Variants in MRC1 observed in about 807,000 individuals in gnomAD.
MRC1 encodes mannose receptor C-type 1.
MRC1 carries 62 observed loss-of-function variants against 102.9 expected under a neutral mutation model. The ratio of observed to expected loss-of-function variants is 0.60; its 90% CI spans 0.49 to 0.74. The LOEUF is 0.74. MRC1 is among the 30% of genes least tolerant of loss of function. MRC1 has a pLI of 0.00. For missense variants in MRC1, 1,237 were observed against 862.8 expected (o/e 1.43, Z -5.43); for synonymous variants, 457 against 298.4 (o/e 1.53, Z -5.48).
intron 16 of MRC1, 57 bp from the exon 17 acceptor site, chr10:17,875,033 C>G: frequency 1.3e-6 from 1 of 780,564 alleles, no homozygotes. Context: ...GCTGTACACA[C>G]CAGATTCTTG....
chr10:17,860,365 T>C lies in MRC1; in HGVS notation c.1519-1022T>C, dbSNP rs1023615932. On this transcript the variant is annotated intron_variant, in intron 9 of 29. Coordinates refer to ENST00000569591, the MANE Select transcript of MRC1 (RefSeq NM_002438.4). ...ATCATGGCTCACTGTAGCCTCCACC[T>C]CCTTGGCTCAGTCAATCCTCCTGCC... 1.9e-4 allele frequency among the ~76,000 whole-genome samples: 28 copies of C among 151,318 alleles called. 2 individuals are homozygous for C. The highest frequency in any genetic ancestry group is 1.8e-3 in the Admixed American group (27 of 15,150).
intron 1 of MRC1, among the ~76,000 whole-genome samples, chr10:17,817,357 G>C (rs1438421079): frequency 6.6e-6 from 1 of 150,850 alleles, no homozygotes; most frequent in Non-Finnish European, 1.5e-5. Flanking sequence ...GCATGTTACT[G>C]GATGTTTAGT....
intron 15 of MRC1, among the ~76,000 whole-genome samples, chr10:17,873,192 A>G (rs1414330935): frequency 6.6e-6 from 1 of 152,226 alleles, no homozygotes; most frequent in Non-Finnish European, 1.5e-5. Flanking sequence ...GGAAAGAAAA[A>G]TATTTCATTT....
chr10:17,905,689 A>G (rs1020020426), intron 26 of MRC1, among the ~76,000 whole-genome samples: 1 of 152,110 alleles, frequency 6.6e-6, no homozygotes. Context: ...TTATGTAGTC[A>G]TGCAGTGAAA....
At chr10:17,870,017 A>C (rs1446036544) in intron 12 of MRC1, among the ~76,000 whole-genome samples, 3 of 152,218 alleles carry the variant, frequency 2.0e-5, no homozygotes, top group African/African-American at 4.8e-5. Flanking sequence ...CTCTTGTGCT[A>C]TAAAATAATT....
intron 1 of MRC1, among the ~76,000 whole-genome samples, chr10:17,821,069 A>C (rs1156677286): frequency 6.6e-6 from 1 of 152,180 alleles, no homozygotes; most frequent in Middle Eastern, 3.2e-3. Context: ...ACAGTTGTCA[A>C]GTGCAGAGAA....
chr10:17,870,526 T>C (rs1833339178), intron 13 of MRC1, among the ~76,000 whole-genome samples, 153 bp downstream of exon 13: 1 of 152,144 alleles, frequency 6.6e-6, no homozygotes, highest in Admixed American at 6.6e-5. Flanking sequence ...TTGATCTAGT[T>C]TCGCTTTCAA....
intron 4 of MRC1, among the ~76,000 whole-genome samples, chr10:17,839,192 TA>T (rs1420212800): frequency 7.9e-5 from 12 of 152,324 alleles, no homozygotes; most frequent in African/African-American, 2.4e-4. Flanking sequence ...TTAGAGCTGG[TA>T]AAAGATGTCA....
In MRC1 at chr10:17,828,885, G is replaced by C. The variant is rs1337719622; in HGVS notation, c.637+1170G>C. ...TGAAGCACATTTTAGGTGGAGTGGA[G>C]GAGGGCGTCATGTTGAAGGCAGAGC... On this transcript the variant is annotated intron_variant, in intron 3 of 29. Coordinates refer to ENST00000569591, the MANE Select transcript of MRC1 (RefSeq NM_002438.4). Among the ~76,000 whole-genome samples, 11 of 151,452 alleles carry C rather than the reference G, an allele frequency of 7.3e-5. 1 individual carries two copies. Among genetic ancestry groups the C allele is most frequent in the East Asian group, 3.9e-4 (2 of 5,194 alleles).
chr10:17,883,094 G>T (rs1833541466), intron 21 of MRC1, among the ~76,000 whole-genome samples: 1 of 152,026 alleles, frequency 6.6e-6, no homozygotes, highest in Non-Finnish European at 1.5e-5. Flanking sequence ...GATCTTATTT[G>T]GAAAACAAAA....
intron 10 of MRC1, among the ~76,000 whole-genome samples, chr10:17,862,578 A>G (rs902426271): frequency 1.3e-5 from 2 of 152,144 alleles, no homozygotes; most frequent in African/African-American, 2.4e-5. Flanking sequence ...TGTAATATTT[A>G]TACTCAGGAG....
chr10:17,897,224 T>G (rs968392051), intron 23 of MRC1, among the ~76,000 whole-genome samples: 120 of 152,332 alleles, frequency 7.9e-4, no homozygotes, highest in South Asian at 1.4e-3. Flanking sequence ...GGCTATTATT[T>G]GCTGACTTCT....
chr10:17,812,825 C>T (rs1838246072), intron 1 of MRC1, among the ~76,000 whole-genome samples: 3 of 152,094 alleles, frequency 2.0e-5, no homozygotes, highest in East Asian at 1.9e-4. Context: ...CCCACCTTAG[C>T]CTCCCAAAGT....
intron 7 of MRC1, among the ~76,000 whole-genome samples, chr10:17,851,084 A>G (rs542549083): frequency 2.8e-4 from 43 of 152,322 alleles, no homozygotes; most frequent in African/African-American, 1.0e-3. Flanking sequence ...AAAGTTTGCA[A>G]ATGATTTAGC....
At chr10:17,902,247 A>G (rs1468577743) in intron 26 of MRC1, 125 bp downstream of exon 26, 2 of 644,172 alleles carry the variant, frequency 3.1e-6, no homozygotes, top group Non-Finnish European at 5.6e-6. Flanking sequence ...TTATTTTATA[A>G]CAGAATGGCC....
intron 23 of MRC1, 52 bp downstream of exon 23, chr10:17,894,364 C>A (rs1237709051): frequency 1.2e-6 from 1 of 819,694 alleles, no homozygotes; most frequent in African/African-American, 1.7e-5. Context: ...TTTTTTTTCC[C>A]CACTTTTTTC....
At chr10:17,872,675 T>C (rs1833370968) in intron 15 of MRC1, among the ~76,000 whole-genome samples, 4 of 152,156 alleles carry the variant, frequency 2.6e-5, no homozygotes, top group Admixed American at 1.3e-4. Flanking sequence ...CTGATGCTAT[T>C]AGCCAAACCA....
intron 18 of MRC1, 58 bp from the exon 19 acceptor site, chr10:17,879,663 T>C (rs1288948856): frequency 1.3e-6 from 1 of 780,670 alleles, no homozygotes; most frequent in Non-Finnish European, 2.4e-6. Context: ...GCTCCTGGCC[T>C]GTATCCAATT....
chr10:17,885,107 A>G (rs974387044), intron 21 of MRC1, among the ~76,000 whole-genome samples, 162 bp from the exon 22 acceptor site: 3 of 152,232 alleles, frequency 2.0e-5, no homozygotes, highest in African/African-American at 7.2e-5. Flanking sequence ...TGACAACACA[A>G]TGCTGATATT....
Sources: allele counts gnomAD v4.1 joint callset (sites outside exome capture counted in the v4.1 genomes callset), GRCh38; gene constraint gnomAD v4.1.1; transcripts MANE v1.5; gene names NCBI Gene and HGNC (gene_info 2026-07-23, HGNC 2026-07-21).